Variants in NFYC observed in about 807,000 individuals in gnomAD.
The protein encoded by NFYC is CAAT box DNA-binding protein subunit C.
Under a neutral mutation model 53.1 loss-of-function variants are expected in NFYC, and 25 were observed. That is an observed-to-expected ratio of 0.47 (90% CI 0.34 to 0.66). NFYC has a LOEUF of 0.66. NFYC is among the 30% of genes least tolerant of loss of function. The pLI is 0.01. For missense variants in NFYC, 260 were observed against 422.7 expected (o/e 0.62, Z 3.38); for synonymous variants, 145 against 152.6 (o/e 0.95, Z 0.37).
chr1:40,733,016 C>CA (rs1366342081), intron 1 of NFYC, among the ~76,000 whole-genome samples: 5 of 83,258 alleles, frequency 6.0e-5, no homozygotes, highest in Non-Finnish European at 1.0e-4. Flanking sequence ...TCGCCCCCCC[C>CA]CCCTTTTTTT....
chr1:40,725,215 C>T (rs1210911541), intron 1 of NFYC, among the ~76,000 whole-genome samples: 5 of 152,088 alleles, frequency 3.3e-5, no homozygotes, highest in Non-Finnish European at 5.9e-5. Flanking sequence ...ACTATTGAAC[C>T]TTCTCTTCTC....
intron 3 of NFYC, among the ~76,000 whole-genome samples, chr1:40,747,984 C>T (rs543491808): frequency 7.0e-4 from 107 of 151,960 alleles, no homozygotes; most frequent in African/African-American, 2.5e-3. Context: ...TACAGGCGCC[C>T]GCCACCACAC....
At chr1:40,745,174 G>A (rs745917459) in intron 2 of NFYC, among the ~76,000 whole-genome samples, 43 of 152,032 alleles carry the variant, frequency 2.8e-4, no homozygotes, top group Non-Finnish European at 5.7e-4. Context: ...GAAATTGAAG[G>A]AGTAATAGTT....
At chr1:40,738,295 G>T (rs1570551204) in intron 1 of NFYC, among the ~76,000 whole-genome samples, 1 of 152,186 alleles carries the variant, frequency 6.6e-6, no homozygotes, top group Non-Finnish European at 1.5e-5. Flanking sequence ...ACCTTCCTGA[G>T]TAGCTGGAAC....
chr1:40,726,381 G>A (rs1644519483), intron 1 of NFYC, among the ~76,000 whole-genome samples: 1 of 151,586 alleles, frequency 6.6e-6, no homozygotes, highest in South Asian at 2.1e-4. Context: ...GTCTCCCAAA[G>A]TGCTGGGATT....
intron 1 of NFYC, chr1:40,735,700 A>G: frequency 2.0e-6 from 2 of 985,412 alleles, no homozygotes; most frequent in Non-Finnish European, 2.4e-6. Context: ...AGCAGTTTGC[A>G]TGGCAGATTG....
intron 7 of NFYC, among the ~76,000 whole-genome samples, chr1:40,765,179 G>T (rs932497160): frequency 6.6e-6 from 1 of 152,200 alleles, no homozygotes; most frequent in Non-Finnish European, 1.5e-5. Context: ...ATAGGATTTA[G>T]GTGGGGAATT....
intron 1 of NFYC, among the ~76,000 whole-genome samples, chr1:40,698,828 A>G (rs553040669): frequency 1.3e-5 from 2 of 152,316 alleles, no homozygotes; most frequent in Non-Finnish European, 2.9e-5. Context: ...AGTATGAACC[A>G]TAAATAGTGA....
chr1:40,696,459 C>T (rs1267064852), intron 1 of NFYC, among the ~76,000 whole-genome samples: 2 of 152,222 alleles, frequency 1.3e-5, no homozygotes, highest in Admixed American at 1.3e-4. Context: ...TTCTTTCAGG[C>T]GTGTCCTTTG....
Position 40,754,007 on chromosome 1 carries a change from C to T in NFYC, c.387+761C>T, listed in dbSNP as rs139266620. Among the ~76,000 whole-genome samples the T allele has an allele frequency of 6.2e-4, 94 of 152,216 alleles. 1 individual carries two copies. Among genetic ancestry groups the T allele is most frequent in the African/African-American group, 2.1e-3 (89 of 41,544 alleles). ...TGTAATAGACCTCTGTCCTTTAGAGCTCATTGTTTTAAGCATGCAGATTGC... is the reference window on the plus strand; with the variant it reads ...TGTAATAGACCTCTGTCCTTTAGAGTTCATTGTTTTAAGCATGCAGATTGC... On this transcript the variant is annotated intron_variant, in intron 5 of 9. Transcript: ENST00000447388.
At chr1:40,737,154 A>G (rs1321966576) in intron 1 of NFYC, among the ~76,000 whole-genome samples, 1 of 151,356 alleles carries the variant, frequency 6.6e-6, no homozygotes, top group Non-Finnish European at 1.5e-5. Context: ...AAAAAAGTCA[A>G]AATCCCAGAC....
intron 3 of NFYC, among the ~76,000 whole-genome samples, chr1:40,749,356 C>G (rs1570623991): frequency 6.6e-6 from 1 of 152,174 alleles, no homozygotes; most frequent in East Asian, 1.9e-4. Context: ...ACACCTTGCA[C>G]AAGGTTTGGC....
At chr1:40,696,844 T>C (rs1643174491) in intron 1 of NFYC, among the ~76,000 whole-genome samples, 1 of 152,254 alleles carries the variant, frequency 6.6e-6, no homozygotes, top group Admixed American at 6.5e-5. Context: ...TCTTTTCATT[T>C]TGTTTATTCA....
At chr1:40,752,058 G>C (rs866954837) in intron 4 of NFYC, among the ~76,000 whole-genome samples, 3 of 152,222 alleles carry the variant, frequency 2.0e-5, no homozygotes, top group Middle Eastern at 6.8e-3. Flanking sequence ...TTTAAGGTGT[G>C]GTATATAGAG....
At chr1:40,748,609 A>G (rs1255011744) in intron 3 of NFYC, among the ~76,000 whole-genome samples, 3 of 152,166 alleles carry the variant, frequency 2.0e-5, no homozygotes, top group Non-Finnish European at 2.9e-5. Flanking sequence ...TTTTACATGA[A>G]TAATACTTGT....
intron 1 of NFYC, among the ~76,000 whole-genome samples, chr1:40,709,044 C>A (rs1437983013): frequency 6.6e-6 from 1 of 152,200 alleles, no homozygotes; most frequent in African/African-American, 2.4e-5. Flanking sequence ...AAGAACAATT[C>A]TAAATTTTCA....
intron 8 of NFYC, 168 bp from the exon 9 acceptor site, chr1:40,769,188 T>C (rs1646967251): frequency 3.0e-6 from 2 of 661,314 alleles, no homozygotes; most frequent in Admixed American, 2.3e-5. Context: ...GACGTAGCCA[T>C]CAGTGCTAGA....
intron 1 of NFYC, 157 bp downstream of exon 1, chr1:40,692,024 T>A: frequency 4.9e-6 from 1 of 205,840 alleles, no homozygotes; most frequent in East Asian, 1.9e-4. Flanking sequence ...TGCTCTTGCC[T>A]GGCCCGCTGC....
At chr1:40,755,793 T>A (rs1018421781) in intron 5 of NFYC, among the ~76,000 whole-genome samples, 10 of 152,182 alleles carry the variant, frequency 6.6e-5, no homozygotes, top group Non-Finnish European at 1.5e-4. Context: ...ATAAACAGTT[T>A]AAGAGGATGT....
Sources: gnomAD v4.1 joint callset for allele counts (sites outside exome capture counted in the v4.1 genomes callset) on GRCh38, gnomAD v4.1.1 for gene constraint, MANE v1.5 for transcripts, NCBI Gene and HGNC (gene_info 2026-07-23, HGNC 2026-07-21) for gene names.